The following KALRN variants were observed in gnomAD, a reference collection of about 807,000 sequenced individuals.
KALRN encodes the protein kalirin RhoGEF kinase.
Under a neutral mutation model 353.7 loss-of-function variants are expected in KALRN, and 70 were observed. That is an observed-to-expected ratio of 0.20 (90% CI 0.16 to 0.24). The LOEUF is 0.24. Ranked by LOEUF, KALRN falls within the 10% of genes least tolerant of loss-of-function variation. The probability of loss-of-function intolerance (pLI) is 1.00; values close to 1 mark genes in which losing one functional copy is unlikely to be tolerated. For missense variants in KALRN, 2,791 were observed against 3,756.7 expected (o/e 0.74, Z 6.72); for synonymous variants, 1,391 against 1,434.8 (o/e 0.97, Z 0.69).
intron 10 of KALRN, among the ~76,000 whole-genome samples, chr3:124,365,447 C>T (rs898934588): frequency 1.3e-5 from 2 of 152,142 alleles, no homozygotes; most frequent in South Asian, 2.1e-4. Flanking sequence ...ACTATACAGT[C>T]TCTAGAGCAG....
intron 5 of KALRN, among the ~76,000 whole-genome samples, chr3:124,279,628 G>A (rs971149331): frequency 6.6e-6 from 1 of 152,230 alleles, no homozygotes; most frequent in Non-Finnish European, 1.5e-5. Flanking sequence ...CACAAGGTCA[G>A]CTGCTAGCAG....
chr3:124,664,232 G>A lies in KALRN; in HGVS notation c.6346-2217G>A, dbSNP rs573120380. Reference sequence around the variant, plus strand: ...GTTTTCTGAACAGGAGTCTAACTGTGCTTCTCTGGGTCTCTGGAGGAAGTG... The same window carrying A: ...GTTTTCTGAACAGGAGTCTAACTGTACTTCTCTGGGTCTCTGGAGGAAGTG... On this transcript the variant is annotated intron_variant, in intron 45 of 59. Coordinates refer to ENST00000682506, the MANE Select transcript of KALRN (RefSeq NM_001388419.1). 4.6e-5 allele frequency among the ~76,000 whole-genome samples: 7 copies of A among 152,224 alleles called. No homozygotes were observed. The South Asian group carries it at 1.2e-3, about 27-fold the overall frequency.
intron 34 of KALRN, among the ~76,000 whole-genome samples, chr3:124,565,611 C>G (rs16835592): frequency 6.6e-6 from 1 of 152,152 alleles, no homozygotes; most frequent in Non-Finnish European, 1.5e-5. Flanking sequence ...ATTCATTTGC[C>G]GCAAAAGGCT....
chr3:124,183,875 A>C (rs559677819), intron 1 of KALRN, among the ~76,000 whole-genome samples: 3 of 152,356 alleles, frequency 2.0e-5, no homozygotes, highest in African/African-American at 7.2e-5. Flanking sequence ...AATGTGTTGG[A>C]GAAGGACTGA....
chr3:124,530,410 G>T (rs1041179060), intron 33 of KALRN, among the ~76,000 whole-genome samples: 5 of 151,990 alleles, frequency 3.3e-5, no homozygotes, highest in Non-Finnish European at 5.9e-5. Flanking sequence ...TCTTCAGGTT[G>T]TTTTTGTTTT....
chr3:124,533,289 C>T (rs1178456522), intron 33 of KALRN, among the ~76,000 whole-genome samples: 5 of 152,082 alleles, frequency 3.3e-5, no homozygotes, highest in Non-Finnish European at 4.4e-5. Context: ...CAGATGTTTT[C>T]AGAAATTAAC....
chr3:124,273,793 G>A (rs2074414076), intron 5 of KALRN, among the ~76,000 whole-genome samples: 1 of 152,210 alleles, frequency 6.6e-6, no homozygotes, highest in African/African-American at 2.4e-5. Flanking sequence ...CATGATGTTA[G>A]ATGAACCACT....
At chr3:124,623,399 T>TACAC (rs372330681) in intron 34 of KALRN, among the ~76,000 whole-genome samples, 1,960 of 136,496 alleles carry the variant, frequency 0.014, 43 homozygotes, top group African/African-American at 0.048. Context: ...TATTTATTTA[T>TACAC]ACACACACAC....
intron 1 of KALRN, among the ~76,000 whole-genome samples, chr3:124,157,968 C>A (rs1308611911): frequency 6.6e-6 from 1 of 152,184 alleles, no homozygotes; most frequent in Non-Finnish European, 1.5e-5. Flanking sequence ...GAGTACAGAG[C>A]ACTGTTAAGG....
At chr3:124,108,455 G>C (rs1021960813) in intron 1 of KALRN, among the ~76,000 whole-genome samples, 38 of 152,294 alleles carry the variant, frequency 2.5e-4, no homozygotes, top group African/African-American at 9.1e-4. Flanking sequence ...GTAGTCATTA[G>C]TACCATTCAT....
At chr3:124,148,219 G>A (rs1336747369) in intron 1 of KALRN, among the ~76,000 whole-genome samples, 1 of 152,092 alleles carries the variant, frequency 6.6e-6, no homozygotes, top group African/African-American at 2.4e-5. Flanking sequence ...TTTGTTTTTA[G>A]TACTAGATCA....
chr3:124,697,002 C>T lies in KALRN; in HGVS notation c.7700-591C>T, dbSNP rs75861139. On this transcript the variant is annotated intron_variant, in intron 54 of 59. Coordinates refer to ENST00000682506, the MANE Select transcript of KALRN (RefSeq NM_001388419.1). ...GTAGCATGACACCACTCACTGCAGC[C>T]TCAACCTCCCAGGCTCAAGCTATCC... 0.013 allele frequency among the ~76,000 whole-genome samples: 1,915 copies of T among 152,314 alleles called. 87 individuals carry two copies. The East Asian group carries it at 0.17, about 13-fold the overall frequency.
chr3:124,300,601 C>T (rs1297486500), intron 6 of KALRN, among the ~76,000 whole-genome samples: 1 of 152,222 alleles, frequency 6.6e-6, no homozygotes, highest in Non-Finnish European at 1.5e-5. Context: ...CACAGAACCA[C>T]GTCCAATTTG....
intron 58 of KALRN, among the ~76,000 whole-genome samples, chr3:124,714,981 A>C (rs1228052687): frequency 6.8e-6 from 1 of 146,414 alleles, no homozygotes; most frequent in Non-Finnish European, 1.5e-5. Flanking sequence ...ACACTACTAC[A>C]CTCCAGCCTA....
chr3:124,447,878 A>G (rs1429668094), intron 21 of KALRN, among the ~76,000 whole-genome samples: 4 of 152,236 alleles, frequency 2.6e-5, no homozygotes, highest in Non-Finnish European at 5.9e-5. Flanking sequence ...GTCTAATGCA[A>G]AAAGCTATGA....
intron 47 of KALRN, among the ~76,000 whole-genome samples, chr3:124,669,669 T>A (rs952950656): frequency 7.2e-5 from 11 of 152,186 alleles, no homozygotes; most frequent in African/African-American, 2.7e-4. Flanking sequence ...TCCTAATGAA[T>A]CATGGAGATA....
intron 33 of KALRN, chr3:124,519,855 G>C (rs1047669579): frequency 6.1e-6 from 6 of 985,358 alleles, no homozygotes; most frequent in Admixed American, 1.2e-4. Context: ...AAAGCAGGCT[G>C]TTGATATACA....
intron 1 of KALRN, among the ~76,000 whole-genome samples, chr3:124,093,122 T>C (rs2061222239): frequency 6.6e-6 from 1 of 152,322 alleles, no homozygotes; most frequent in African/African-American, 2.4e-5. Context: ...GTGGAGGTTG[T>C]GACTCTGCTT....
chr3:124,555,233 G>GA (rs35641670), intron 33 of KALRN, among the ~76,000 whole-genome samples: 4 of 147,972 alleles, frequency 2.7e-5, no homozygotes, highest in East Asian at 2.0e-4. Flanking sequence ...TATCATTAAA[G>GA]AAAAAAAAAA....
Sources: allele counts gnomAD v4.1 joint callset (sites outside exome capture counted in the v4.1 genomes callset), GRCh38; gene constraint gnomAD v4.1.1; transcripts MANE v1.5; gene names NCBI Gene and HGNC (gene_info 2026-07-23, HGNC 2026-07-21).